RNGTT: variants seen among roughly 807,000 people sequenced by gnomAD.
RNGTT encodes mRNA-capping enzyme.
A neutral mutation model predicts 79.3 loss-of-function variants in RNGTT; 33 were observed. The observed-to-expected ratio is 0.42, with a 90% CI of 0.32 to 0.56. The LOEUF is 0.56. Among genes scored for constraint, RNGTT ranks in the 20% least tolerant of loss-of-function variants. The pLI, the probability that RNGTT is intolerant of heterozygous loss-of-function variation, is 0.17. For missense variants in RNGTT, 497 were observed against 739.1 expected (o/e 0.67, Z 3.80); for synonymous variants, 222 against 235.9 (o/e 0.94, Z 0.54).
chr6:88,912,459 G>A (rs9362587), intron 4 of RNGTT, among the ~76,000 whole-genome samples: 6,189 of 152,010 alleles, frequency 0.041, 184 homozygotes, highest in African/African-American at 0.075. Context: ...ATCTAATATC[G>A]CATCTAAAGG....
At chr6:88,662,333 C>G (rs2610711) in intron 14 of RNGTT, among the ~76,000 whole-genome samples, 105,197 of 152,110 alleles carry the variant, frequency 0.69, 37,597 homozygotes, top group African/African-American at 0.86. Context: ...AGGAAGACTT[C>G]TGAAACTTTC....
intron 13 of RNGTT, among the ~76,000 whole-genome samples, chr6:88,689,369 A>C (rs2127794886): frequency 6.6e-6 from 1 of 152,232 alleles, no homozygotes; most frequent in East Asian, 1.9e-4. Context: ...GGAGGTGGGC[A>C]GATCACCTAA....
At chr6:88,783,902 T>C (rs1210890972) in intron 12 of RNGTT, among the ~76,000 whole-genome samples, 1 of 152,174 alleles carries the variant, frequency 6.6e-6, no homozygotes, top group Non-Finnish European at 1.5e-5. Flanking sequence ...ATGCATTCAT[T>C]CTTTTTTTTT....
intron 13 of RNGTT, among the ~76,000 whole-genome samples, chr6:88,695,236 TG>T (rs1282820804): frequency 6.6e-6 from 1 of 152,030 alleles, no homozygotes; most frequent in Admixed American, 6.6e-5. Context: ...CCTACAGATT[TG>T]GAGAAAATAT....
chr6:88,897,857 G>A (rs950420818), intron 6 of RNGTT, among the ~76,000 whole-genome samples: 1 of 152,010 alleles, frequency 6.6e-6, no homozygotes, highest in African/African-American at 2.4e-5. Flanking sequence ...CTACATGACC[G>A]GCCATCAATA....
chr6:88,910,676 T>A (rs559299570), intron 4 of RNGTT, among the ~76,000 whole-genome samples: 41 of 152,138 alleles, frequency 2.7e-4, no homozygotes, highest in Non-Finnish European at 5.4e-4. Context: ...ACGACCATCA[T>A]CAAGGCAGAG....
At position 88,631,939 on chromosome 6, in the gene RNGTT, G is replaced by A. The variant is rs9451043; in HGVS notation, c.1507-17544C>T. 7.9e-3 allele frequency among the ~76,000 whole-genome samples: 1,207 copies of A among 152,140 alleles called. 8 individuals are homozygous for A. Among genetic ancestry groups the A allele is most frequent in the African/African-American group, 0.027 (1,120 of 41,502 alleles). ...TTTATAGCCAACTGCTTCTGAAAGA[G>A]TACCAAGTCCACCTAGGCCAACTCT... is the stretch of plus-strand genomic sequence containing the variant. On this transcript the variant is annotated intron_variant, in intron 14 of 15. Transcript: ENST00000369485.
chr6:88,928,846 A>G, intron 4 of RNGTT, 139 bp downstream of exon 4: 2 of 591,556 alleles, frequency 3.4e-6, no homozygotes, highest in Admixed American at 3.3e-5. Context: ...TCACAAGTCA[A>G]TCTCTCATTT....
chr6:88,675,979 C>A (rs1333462329), intron 14 of RNGTT, among the ~76,000 whole-genome samples: 4 of 152,142 alleles, frequency 2.6e-5, no homozygotes, highest in Non-Finnish European at 5.9e-5. Flanking sequence ...AATTTCAGTT[C>A]TCTGCAAACT....
At chr6:88,932,528 G>A (rs899142405) in intron 2 of RNGTT, among the ~76,000 whole-genome samples, 7 of 152,046 alleles carry the variant, frequency 4.6e-5, no homozygotes, top group Admixed American at 2.0e-4. Flanking sequence ...GGGGCATCAC[G>A]GAACCTGCTG....
intron 14 of RNGTT, among the ~76,000 whole-genome samples, chr6:88,617,815 T>C (rs1295833633): frequency 6.6e-6 from 1 of 152,140 alleles, no homozygotes. Flanking sequence ...CCAATGTCTT[T>C]CTATTTATTT....
At chr6:88,775,590 ATC>A (rs1417449037) in intron 12 of RNGTT, among the ~76,000 whole-genome samples, 3 of 152,210 alleles carry the variant, frequency 2.0e-5, no homozygotes, top group Non-Finnish European at 2.9e-5. Flanking sequence ...AGTAATTTAT[ATC>A]TGTTTCAATT....
intron 11 of RNGTT, among the ~76,000 whole-genome samples, chr6:88,828,501 A>G (rs191123863): frequency 1.2e-4 from 19 of 152,112 alleles, no homozygotes; most frequent in Admixed American, 1.2e-3. Flanking sequence ...AAGGATCACA[A>G]CTCCTCATCA....
chr6:88,927,565 G>A (rs180923366), intron 4 of RNGTT, among the ~76,000 whole-genome samples: 6 of 152,172 alleles, frequency 3.9e-5, no homozygotes, highest in Admixed American at 3.9e-4. Flanking sequence ...AGGAGGCTGA[G>A]GCAGGAGAAT....
At chr6:88,799,801 G>T (rs1476619033) in intron 12 of RNGTT, among the ~76,000 whole-genome samples, 4 of 150,116 alleles carry the variant, frequency 2.7e-5, no homozygotes, top group African/African-American at 9.8e-5. Flanking sequence ...TCACTTATTT[G>T]TCAGGCCATT....
At chr6:88,779,869 T>C (rs1779005353) in intron 12 of RNGTT, among the ~76,000 whole-genome samples, 1 of 152,122 alleles carries the variant, frequency 6.6e-6, no homozygotes, top group South Asian at 2.1e-4. Context: ...GGTGCATGTT[T>C]GTAGTCCCAG....
intron 12 of RNGTT, among the ~76,000 whole-genome samples, chr6:88,772,664 T>C (rs1778729025): frequency 6.6e-6 from 1 of 151,418 alleles, no homozygotes; most frequent in South Asian, 2.1e-4. Flanking sequence ...CCGAAGGACA[T>C]GAACAGACAC....
chr6:88,614,002 A>G (rs1772127320), intron 15 of RNGTT, among the ~76,000 whole-genome samples: 2 of 152,242 alleles, frequency 1.3e-5, no homozygotes, highest in Admixed American at 1.3e-4. Context: ...GTTGTTGTTC[A>G]ATAAATTCAA....
intron 12 of RNGTT, among the ~76,000 whole-genome samples, chr6:88,776,475 A>T (rs1778886103): frequency 2.6e-5 from 4 of 151,998 alleles, no homozygotes; most frequent in Admixed American, 2.6e-4. Context: ...ATGTGCCAGC[A>T]GGCCCAGCTA....
Sources: allele counts gnomAD v4.1 joint callset (sites outside exome capture counted in the v4.1 genomes callset), GRCh38; gene constraint gnomAD v4.1.1; transcripts MANE v1.5; gene names NCBI Gene and HGNC (gene_info 2026-07-23, HGNC 2026-07-21).